Variants in DNAH14 observed in about 807,000 individuals in gnomAD.
The protein encoded by DNAH14 is dynein axonemal heavy chain 14, also known as axonemal beta dynein heavy chain 14.
Under a neutral mutation model 520.9 loss-of-function variants are expected in DNAH14, and 478 were observed. The observed-to-expected ratio is 0.92, with a 90% CI of 0.85 to 0.99. The LOEUF (loss-of-function observed/expected upper bound fraction) is 0.99. Ranked by LOEUF, DNAH14 falls within the 50% of genes least tolerant of loss-of-function variation. The pLI is 0.00. For synonymous variants in DNAH14, 1,581 were observed against 1,757.2 expected (o/e 0.90, Z 2.51); for missense variants, 4,831 against 5,234.5 (o/e 0.92, Z 2.38).
chr1:225,179,207 T>G (rs535351345), intron 36 of DNAH14, among the ~76,000 whole-genome samples: 8 of 152,346 alleles, frequency 5.3e-5, no homozygotes, highest in African/African-American at 1.9e-4. Flanking sequence ...TTTAGTTCAT[T>G]TACATTTGAG....
intron 54 of DNAH14, among the ~76,000 whole-genome samples, chr1:225,284,989 A>G (rs970084476): frequency 6.6e-6 from 1 of 152,214 alleles, no homozygotes. Context: ...CAACCTAATA[A>G]AGAGCTTCTG....
chr1:224,996,375 G>C (rs1426818653), intron 8 of DNAH14, among the ~76,000 whole-genome samples: 3 of 151,928 alleles, frequency 2.0e-5, no homozygotes, highest in Non-Finnish European at 4.4e-5. Context: ...TGCCCAGGCT[G>C]GTCTTGAACT....
chr1:225,128,739 C>G (rs1468230657), intron 27 of DNAH14, among the ~76,000 whole-genome samples: 1 of 152,144 alleles, frequency 6.6e-6, no homozygotes, highest in Non-Finnish European at 1.5e-5. Flanking sequence ...TGGAAGCATT[C>G]CCTTTGAAAA....
intron 31 of DNAH14, among the ~76,000 whole-genome samples, chr1:225,149,457 T>C (rs571125194): frequency 6.6e-6 from 1 of 152,344 alleles, no homozygotes; most frequent in East Asian, 1.9e-4. Context: ...TTTTTCTAAT[T>C]CTGTGAATTA....
chr1:225,247,681 A>T (rs1250029498), intron 43 of DNAH14, among the ~76,000 whole-genome samples: 6 of 152,252 alleles, frequency 3.9e-5, no homozygotes, highest in Non-Finnish European at 8.8e-5. Context: ...TCAATAAAAA[A>T]TATTTAAAGT....
At chr1:225,101,679 A>G (rs2075474193) in intron 23 of DNAH14, among the ~76,000 whole-genome samples, 1 of 152,260 alleles carries the variant, frequency 6.6e-6, no homozygotes, top group Middle Eastern at 3.4e-3. Flanking sequence ...GTTCTTGCAG[A>G]TGACAAGATC....
At chr1:224,935,263 A>T (rs1417019100) in intron 1 of DNAH14, among the ~76,000 whole-genome samples, 2 of 151,960 alleles carry the variant, frequency 1.3e-5, no homozygotes, top group Non-Finnish European at 2.9e-5. Flanking sequence ...CTTCAACATA[A>T]ATGGATTATT....
Position 225,398,563 on chromosome 1 carries a change from T to C in DNAH14, c.13535T>C (p.Phe4512Ser). The C allele has an allele frequency of 6.4e-7, 1 of 1,551,738 alleles. No individual in the cohort carries two copies. Among genetic ancestry groups the C allele is most frequent in the Non-Finnish European group, 8.7e-7 (1 of 1,147,006 alleles). ...ACTGGAGTTTACATTTTTGGTTTAT[T>C]CATCGAGGGGGCAAGATGGAATCGT... ...SHTGVYIFGL[F>S]IEGARWNREQ... The change falls in exon 85 of 86, where the codon TTC (phenylalanine) becomes TCC (serine). Residue 4512 changes from phenylalanine (F) to serine (S), a missense_variant. Coordinates refer to ENST00000682510, the MANE Select transcript of DNAH14 (RefSeq NM_001367479.1).
At chr1:225,345,923 A>G (rs2150419746) in intron 69 of DNAH14, 39 bp from the exon 70 acceptor site, 1 of 1,487,648 alleles carries the variant, frequency 6.7e-7, no homozygotes, top group African/African-American at 1.4e-5. Context: ...TTACTGTTAC[A>G]ATAGTCTTTA....
At chr1:225,250,296 T>G (rs934984909) in intron 43 of DNAH14, among the ~76,000 whole-genome samples, 2 of 152,244 alleles carry the variant, frequency 1.3e-5, no homozygotes, top group African/African-American at 4.8e-5. Context: ...GGGTATGAAA[T>G]GTATCTCACT....
At chr1:225,317,377 A>G (rs2094486037) in intron 60 of DNAH14, among the ~76,000 whole-genome samples, 1 of 152,068 alleles carries the variant, frequency 6.6e-6, no homozygotes, top group Non-Finnish European at 1.5e-5. Context: ...CCTCAATATC[A>G]GAATAACCTC....
chr1:225,344,252 A>G (rs1204412029), intron 69 of DNAH14, among the ~76,000 whole-genome samples: 3 of 151,310 alleles, frequency 2.0e-5, no homozygotes, highest in African/African-American at 7.3e-5. Context: ...TTTAAGTTCA[A>G]GGCTACAAGT....
At chr1:225,176,590 T>A (rs200289061) in intron 36 of DNAH14, among the ~76,000 whole-genome samples, 1 of 128,568 alleles carries the variant, frequency 7.8e-6, no homozygotes, top group East Asian at 3.0e-4. Context: ...CCCACCCAAA[T>A]CTCATCTTGA....
At chr1:225,053,806 G>A (rs958613921) in intron 17 of DNAH14, among the ~76,000 whole-genome samples, 4 of 152,120 alleles carry the variant, frequency 2.6e-5, no homozygotes, top group Admixed American at 6.5e-5. Context: ...ATTCAAGTAC[G>A]GATAACCAGA....
At chr1:225,059,606 A>G (rs561672495) in intron 17 of DNAH14, among the ~76,000 whole-genome samples, 1,063 of 151,226 alleles carry the variant, frequency 7.0e-3, no homozygotes, top group Non-Finnish European at 0.011. Flanking sequence ...TAGTTGATGC[A>G]GTTTCTTCCT....
chr1:225,173,558 A>G (rs2082951667), intron 36 of DNAH14, among the ~76,000 whole-genome samples: 1 of 152,224 alleles, frequency 6.6e-6, no homozygotes, highest in South Asian at 2.1e-4. Flanking sequence ...AACCACAATG[A>G]GATACCATTT....
At chr1:225,223,974 A>G (rs2090297352) in intron 41 of DNAH14, among the ~76,000 whole-genome samples, 1 of 152,218 alleles carries the variant, frequency 6.6e-6, no homozygotes, top group African/African-American at 2.4e-5. Flanking sequence ...CACAGTTAAG[A>G]GGTTTAATCA....
intron 41 of DNAH14, among the ~76,000 whole-genome samples, chr1:225,217,740 G>T (rs1457834773): frequency 6.6e-6 from 1 of 152,162 alleles, no homozygotes; most frequent in African/African-American, 2.4e-5. Flanking sequence ...CATTTGCTAA[G>T]GCCGTTGCAG....
chr1:224,968,757 A>C lies in DNAH14; in HGVS notation c.652-2A>C. On this transcript the variant is annotated splice_acceptor_variant, in intron 6 of 85. Coordinates refer to ENST00000682510, the MANE Select transcript of DNAH14 (RefSeq NM_001367479.1). LOFTEE classifies it high-confidence loss of function. ...ATAATGCTTTTGTGCTTTATTTTGT[A>C]GGTTATTAATATAGTTGGTAGTGTA... is the stretch of plus-strand genomic sequence containing the variant. 3 of 1,408,588 alleles carry C rather than the reference A, an allele frequency of 2.1e-6. No individual in the cohort carries two copies. Among genetic ancestry groups the C allele is most frequent in the Non-Finnish European group, 2.8e-6 (3 of 1,059,446 alleles). 87.3% of individuals were successfully genotyped at this position (1,408,588 alleles called of 1,614,324 possible). A position where few individuals can be genotyped will look rare whatever the true frequency, so the allele number is the denominator to read the frequency against.
Sources: gnomAD v4.1 joint callset for allele counts (sites outside exome capture counted in the v4.1 genomes callset) on GRCh38, gnomAD v4.1.1 for gene constraint, MANE v1.5 for transcripts, NCBI Gene and HGNC (gene_info 2026-07-23, HGNC 2026-07-21) for gene names.